The following ABCA8 variants were observed in gnomAD, a reference collection of about 807,000 sequenced individuals.
ABCA8 encodes ABC-type organic anion transporter ABCA8.
ABCA8 carries 177 observed loss-of-function variants against 192.3 expected under a neutral mutation model. The observed-to-expected ratio is 0.92, with a 90% confidence interval of 0.81 to 1.04. ABCA8 has a LOEUF of 1.04. Ranked by LOEUF, ABCA8 falls within the 50% of genes least tolerant of loss-of-function variation. The pLI is 0.00. For missense variants in ABCA8, 1,915 were observed against 1,904.8 expected (o/e 1.01, Z -0.10); for synonymous variants, 642 against 690.2 (o/e 0.93, Z 1.09).
chr17:68,878,382 T>C (rs2066258713), intron 32 of ABCA8: 1 of 152,190 alleles, frequency 6.6e-6, no homozygotes, highest in South Asian at 2.1e-4. Context: ...GGGATGAAGC[T>C]TGATGTGGAA....
intron 2 of ABCA8, among the ~76,000 whole-genome samples, chr17:68,948,555 G>A (rs2068478667): frequency 6.6e-6 from 1 of 152,140 alleles, no homozygotes; most frequent in Admixed American, 6.5e-5. Context: ...TTTGAGAAGT[G>A]TCTGTTCATA....
intron 37 of ABCA8, among the ~76,000 whole-genome samples, chr17:68,873,436 G>C (rs1393302343): frequency 6.6e-6 from 1 of 152,162 alleles, no homozygotes; most frequent in Non-Finnish European, 1.5e-5. Context: ...GTGCATGACT[G>C]TATTTTGGAC....
chr17:68,933,163 C>G lies in ABCA8; in HGVS notation c.570+5G>C, dbSNP rs2067955690. On this transcript the variant is annotated splice_donor_5th_base_variant and intron_variant, in intron 6 of 39. Coordinates refer to ENST00000586539, the MANE Select transcript of ABCA8 (RefSeq NM_001288985.2). ...ATTAGTTTGCTTTGAACATTTTGTA[C>G]TCACTTCTATAATAGCAGCATTAAT... 6.3e-7 allele frequency: 1 copy of G among 1,597,342 alleles called. No homozygotes were observed. The highest frequency in any genetic ancestry group is 8.6e-7 in the Non-Finnish European group (1 of 1,168,124).
intron 2 of ABCA8, among the ~76,000 whole-genome samples, chr17:68,948,359 C>G (rs1052823261): frequency 1.3e-5 from 2 of 152,230 alleles, no homozygotes; most frequent in Non-Finnish European, 2.9e-5. Context: ...TACACTCCCA[C>G]TAACAGTATA....
chr17:68,918,504 C>T lies in ABCA8; in HGVS notation c.1831G>A (p.Asp611Asn). 1.3e-6 allele frequency: 2 copies of T among 1,527,674 alleles called. No homozygotes were observed. Among genetic ancestry groups the T allele is most frequent in the Non-Finnish European group, 1.7e-6 (2 of 1,145,794 alleles). 94.6% of individuals were successfully genotyped at this position (1,527,674 alleles called of 1,614,324 possible). The change falls in exon 15 of 40, where the codon GAT becomes AAT. Residue 611 changes from aspartate to asparagine, a missense_variant. Transcript: ENST00000586539. ...CCACTTAAGTTTTGAGCAAGAACAT[C>T]CTGAATATTTTTCATTTCCAATTCC... ...LLELEMKNIQ[D>N]VLAQNLSGGQ...
At chr17:68,883,760 C>G in intron 29 of ABCA8, 31 bp downstream of exon 29, 1 of 1,373,820 alleles carries the variant, frequency 7.3e-7, no homozygotes, top group Non-Finnish European at 1.0e-6. Context: ...TATTGATCAA[C>G]AAAATAAAAA....
At chr17:68,880,881 G>T in intron 32 of ABCA8, 1 of 512,462 alleles carries the variant, frequency 2.0e-6, no homozygotes, top group South Asian at 2.1e-5. Flanking sequence ...TTGGGCAAAG[G>T]CGCCACCAGC....
chr17:68,949,565 A>G (rs1264090010), intron 1 of ABCA8, 93 bp from the exon 2 acceptor site: 1 of 152,220 alleles, frequency 6.6e-6, no homozygotes, highest in African/African-American at 2.4e-5. Flanking sequence ...GGCAAACCAA[A>G]TCCAGCAGCA....
chr17:68,948,743 T>C (rs1213483301), intron 2 of ABCA8, among the ~76,000 whole-genome samples: 7 of 152,240 alleles, frequency 4.6e-5, no homozygotes, highest in African/African-American at 1.7e-4. Context: ...CTCTTTAGTT[T>C]AATGAGATCC....
In ABCA8 at chr17:68,902,878, G is replaced by C. The variant is rs1341641342; in HGVS notation, c.2599C>G (p.Leu867Val). The C allele has an allele frequency of 1.2e-6, 2 of 1,606,708 alleles. No homozygotes were observed. The highest frequency in any genetic ancestry group is 2.2e-5 in the East Asian group (1 of 44,742). Residue 867 changes from leucine to valine, a missense_variant and splice_region_variant, in exon 21 of 40, where the codon CTA (leucine) becomes GTA (valine). Transcript: ENST00000586539. ...KHERKALLALLLILMAGFCPL... is the reference protein window; with the variant it reads ...KHERKALLALVLILMAGFCPL... ...CAAAATCCAGCCATTAGAATTAATA[G>C]CCTACACAAAAGAAAATTGCCAAAA...
chr17:68,929,375 A>AT (rs1367442550), intron 8 of ABCA8, 141 bp from the exon 9 acceptor site: 1 of 1,051,004 alleles, frequency 9.5e-7, no homozygotes, highest in African/African-American at 1.6e-5. Context: ...ATACAAAACT[A>AT]TGCTCTGCAA....
intron 37 of ABCA8, 87 bp downstream of exon 37, chr17:68,875,172 GT>G (rs1567817480): frequency 6.5e-7 from 1 of 1,542,452 alleles, no homozygotes; most frequent in Non-Finnish European, 8.8e-7. Flanking sequence ...TTTCTTTTAG[GT>G]TTTCCTTTTG....
intron 32 of ABCA8, 37 bp from the exon 33 acceptor site, chr17:68,877,716 G>A: frequency 7.0e-6 from 11 of 1,568,786 alleles, no homozygotes; most frequent in Non-Finnish European, 9.5e-6. Flanking sequence ...CCTACCTTCT[G>A]CACTGCTTCT....
chr17:68,893,247 G>T (rs1469166849), intron 23 of ABCA8, among the ~76,000 whole-genome samples: 1 of 152,098 alleles, frequency 6.6e-6, no homozygotes, highest in Non-Finnish European at 1.5e-5. Context: ...TGTGCTCAAA[G>T]AACTCTCTGA....
intron 39 of ABCA8, 21 bp downstream of exon 39, chr17:68,868,280 G>A (rs116399448): frequency 2.0e-5 from 33 of 1,611,838 alleles, no homozygotes; most frequent in Admixed American, 1.3e-4. Context: ...TGGATGATAC[G>A]AATCCCTAAA....
At chr17:68,884,478 C>G in intron 27 of ABCA8, 82 bp from the exon 28 acceptor site, 1 of 1,449,118 alleles carries the variant, frequency 6.9e-7, no homozygotes, top group Non-Finnish European at 9.1e-7. Context: ...TGGCCCTAAA[C>G]AGCCCTGCTA....
Position 68,902,939 on chromosome 17 carries a change from G to C in ABCA8, c.2598-60C>G. 5 of 1,412,272 alleles carry C rather than the reference G, an allele frequency of 3.5e-6. No homozygotes were observed. In the South Asian group the frequency reaches 6.6e-5, roughly 19 times the overall value. 87.5% of individuals were successfully genotyped at this position (1,412,272 alleles called of 1,614,324 possible). A position where few individuals can be genotyped will look rare whatever the true frequency, so the allele number is the denominator to read the frequency against. On this transcript the variant is annotated intron_variant, in intron 20 of 39. Transcript: ENST00000586539. Reference sequence around the variant, plus strand: ...GTCATTTCCTGATCTAATACTCTCTGAGCAGTTTATAATGTAATGGGATAA... The same window carrying C: ...GTCATTTCCTGATCTAATACTCTCTCAGCAGTTTATAATGTAATGGGATAA...
At chr17:68,906,195 AC>A in intron 18 of ABCA8, 32 bp from the exon 19 acceptor site, 1 of 1,429,816 alleles carries the variant, frequency 7.0e-7, no homozygotes, top group Non-Finnish European at 9.2e-7. Context: ...GTGAATTAAA[AC>A]AAGAATCACA....
chr17:68,887,122 A>G lies in ABCA8; in HGVS notation c.3324T>C (p.Cys1108=), dbSNP rs905259725. 1.9e-6 allele frequency: 3 copies of G among 1,598,004 alleles called. No homozygotes were observed. The East Asian group carries it at 6.7e-5, about 36-fold the overall frequency. ...TGAGGGAAAAGGAATAACCAACAGC[A>G]CATGGGATCTAAAATCAACAGGAAT... is the stretch of plus-strand genomic sequence containing the variant. ...LTIIHIIQIP[C]AVGYSFSLIF... is the part of the protein sequence containing the mutation. Residue 1108 remains cysteine (C), a synonymous_variant, in exon 26 of 40, where the codon TGT becomes TGC. Coordinates refer to ENST00000586539, the MANE Select transcript of ABCA8 (RefSeq NM_001288985.2).
Sources: gnomAD v4.1 joint callset for allele counts (sites outside exome capture counted in the v4.1 genomes callset) on GRCh38, gnomAD v4.1.1 for gene constraint, MANE v1.5 for transcripts, NCBI Gene and HGNC (gene_info 2026-07-23, HGNC 2026-07-21) for gene names.